The following ST6GALNAC5 variants were observed in gnomAD, a reference collection of about 807,000 sequenced individuals.
The protein encoded by ST6GALNAC5 is alpha-N-acetylgalactosaminide alpha-2,6-sialyltransferase 5.
Under a neutral mutation model 33.6 loss-of-function variants are expected in ST6GALNAC5, and 27 were observed. The ratio of observed to expected loss-of-function variants is 0.80; its 90% CI spans 0.59 to 1.11. The LOEUF (loss-of-function observed/expected upper bound fraction) is 1.11, where lower values mean the gene tolerates loss of function less well. ST6GALNAC5 is among the 50% of genes least tolerant of loss of function. The probability of loss-of-function intolerance (pLI) is 0.00; values close to 1 mark genes in which losing one functional copy is unlikely to be tolerated. For synonymous variants in ST6GALNAC5, 194 were observed against 171.2 expected, an observed-to-expected ratio of 1.13 and a Z score of -1.04; for missense variants, 428 against 454.0, an observed-to-expected ratio of 0.94 and a Z score of 0.52.
intron 2 of ST6GALNAC5, among the ~76,000 whole-genome samples, chr1:76,890,545 G>GTT (rs34481431): frequency 0.023 from 3,372 of 145,482 alleles, 56 homozygotes; most frequent in African/African-American, 0.046. Context: ...TTTTACTTCA[G>GTT]TTTTTTTTTT....
intron 2 of ST6GALNAC5, among the ~76,000 whole-genome samples, chr1:77,008,604 A>G (rs554178175): frequency 1.3e-5 from 2 of 152,110 alleles, no homozygotes; most frequent in African/African-American, 4.8e-5. Context: ...ATCTCGGCTC[A>G]CTGCAGCCTC....
Position 77,065,805 on chromosome 1 carries a change from T to TC in ST6GALNAC5, c.*2601dup, listed in dbSNP as rs1236657396. On this transcript the variant is annotated 3_prime_UTR_variant, in exon 5 of 5. Coordinates refer to ENST00000477717, the MANE Select transcript of ST6GALNAC5 (RefSeq NM_030965.3). ...ATACTCGTTATGTTACATGCCTTTTTCCTCTCTCCCAGCTGTGTCATCAGC... is the reference window on the plus strand; with the variant it reads ...ATACTCGTTATGTTACATGCCTTTTTCCCTCTCTCCCAGCTGTGTCATCAGC... 1 of 152,226 alleles carries TC rather than the reference T, an allele frequency of 6.6e-6. No homozygotes were observed. The highest frequency in any genetic ancestry group is 1.5e-5 in the Non-Finnish European group (1 of 68,044). The allele number at this position is 152,226 out of a possible 1,614,324, so 9.4% of individuals were successfully genotyped here.
chr1:76,919,953 C>G (rs76014547), intron 2 of ST6GALNAC5, among the ~76,000 whole-genome samples: 2,854 of 152,040 alleles, frequency 0.019, 81 homozygotes, highest in African/African-American at 0.066. Flanking sequence ...AATCAGAAAA[C>G]ACTATAAATA....
At chr1:77,046,364 G>C (rs1652009320) in intron 3 of ST6GALNAC5, among the ~76,000 whole-genome samples, 1 of 152,242 alleles carries the variant, frequency 6.6e-6, no homozygotes, top group Non-Finnish European at 1.5e-5. Context: ...AAAGACTTAA[G>C]TACAGTGCCC....
chr1:77,008,959 C>T (rs1267295860), intron 2 of ST6GALNAC5, among the ~76,000 whole-genome samples: 1 of 152,234 alleles, frequency 6.6e-6, no homozygotes, highest in Non-Finnish European at 1.5e-5. Flanking sequence ...ACCCTAGCAC[C>T]AATCCTAGCT....
intron 3 of ST6GALNAC5, among the ~76,000 whole-genome samples, chr1:77,049,975 C>T (rs939360388): frequency 6.6e-6 from 1 of 152,188 alleles, no homozygotes; most frequent in Admixed American, 6.5e-5. Flanking sequence ...TACACTTAAA[C>T]ATTTAAACAC....
At chr1:77,053,941 A>G (rs750792009) in intron 4 of ST6GALNAC5, among the ~76,000 whole-genome samples, 2 of 152,164 alleles carry the variant, frequency 1.3e-5, no homozygotes, top group Non-Finnish European at 2.9e-5. Flanking sequence ...AGAGCTAGCC[A>G]CGTGGAGCCA....
intron 2 of ST6GALNAC5, among the ~76,000 whole-genome samples, chr1:76,936,500 G>T (rs573276167): frequency 6.6e-6 from 1 of 152,008 alleles, no homozygotes; most frequent in Non-Finnish European, 1.5e-5. Flanking sequence ...AAGAATAATG[G>T]CCAGTGTGAA....
chr1:76,897,247 G>C (rs1654166365), intron 2 of ST6GALNAC5, among the ~76,000 whole-genome samples: 1 of 152,164 alleles, frequency 6.6e-6, no homozygotes, highest in Non-Finnish European at 1.5e-5. Context: ...AGTAAAGAAA[G>C]CAGGTTTGAG....
chr1:76,998,894 C>A (rs184814281), intron 2 of ST6GALNAC5, among the ~76,000 whole-genome samples: 1 of 152,076 alleles, frequency 6.6e-6, no homozygotes, highest in Non-Finnish European at 1.5e-5. Context: ...AACAGCCAGC[C>A]TGTTATAGAA....
intron 2 of ST6GALNAC5, among the ~76,000 whole-genome samples, chr1:76,922,318 A>C (rs1445142395): frequency 6.6e-6 from 1 of 152,142 alleles, no homozygotes; most frequent in African/African-American, 2.4e-5. Context: ...AATGTACAGA[A>C]TCTGTCTGTG....
chr1:76,928,093 T>G (rs1404762494), intron 2 of ST6GALNAC5, among the ~76,000 whole-genome samples: 6 of 152,108 alleles, frequency 3.9e-5, no homozygotes, highest in Non-Finnish European at 8.8e-5. Flanking sequence ...ATAGACTTCA[T>G]GTTACTTTGC....
At position 76,875,823 on chromosome 1, in the gene ST6GALNAC5, G is replaced by T. The variant is rs11162232; in HGVS notation, c.261+7081G>T. Among the ~76,000 whole-genome samples, 451 of 151,668 alleles carry T rather than the reference G, an allele frequency of 3.0e-3. 13 individuals are homozygous for T. In the East Asian group the frequency reaches 0.07, roughly 24 times the overall value. On this transcript the variant is annotated intron_variant, in intron 2 of 4. Transcript: ENST00000477717. Reference sequence around the variant, plus strand: ...CCACCATGGCCTTCTGGAGAACTTTGCCCCAGCCCTGCAAAGTACTGTCAC... The same window carrying T: ...CCACCATGGCCTTCTGGAGAACTTTTCCCCAGCCCTGCAAAGTACTGTCAC...
chr1:77,049,624 A>G (rs1015642041), intron 3 of ST6GALNAC5, among the ~76,000 whole-genome samples: 2 of 152,318 alleles, frequency 1.3e-5, no homozygotes, highest in Admixed American at 1.3e-4. Flanking sequence ...ATTTTCTGAT[A>G]TGTAAAATGA....
chr1:76,977,278 C>T (rs899817360), intron 2 of ST6GALNAC5, among the ~76,000 whole-genome samples: 33 of 151,890 alleles, frequency 2.2e-4, no homozygotes, highest in African/African-American at 3.4e-4. Flanking sequence ...GGTTAATTAC[C>T]GTATTTGTTA....
At chr1:77,001,200 T>C (rs1320343763) in intron 2 of ST6GALNAC5, among the ~76,000 whole-genome samples, 16 of 129,774 alleles carry the variant, frequency 1.2e-4, no homozygotes, top group African/African-American at 4.2e-4. Flanking sequence ...CTTGAAGAGG[T>C]CCTTCACATC....
intron 2 of ST6GALNAC5, among the ~76,000 whole-genome samples, chr1:77,003,972 G>A (rs1650281169): frequency 9.7e-6 from 1 of 103,410 alleles, no homozygotes; most frequent in Non-Finnish European, 2.1e-5. Flanking sequence ...TATGTGTCTT[G>A]GAGTTGCTCT....
chr1:76,898,326 T>G (rs1416223801), intron 2 of ST6GALNAC5, among the ~76,000 whole-genome samples: 1 of 152,002 alleles, frequency 6.6e-6, no homozygotes, highest in South Asian at 2.1e-4. Context: ...GTGGCTGGGG[T>G]TTGTCTCACA....
intron 2 of ST6GALNAC5, among the ~76,000 whole-genome samples, chr1:76,911,467 T>C (rs1197491967): frequency 2.6e-5 from 4 of 152,194 alleles, no homozygotes; most frequent in African/African-American, 9.7e-5. Flanking sequence ...TAAAATGAGT[T>C]AGGAAGGATT....
Sources: allele counts gnomAD v4.1 joint callset (sites outside exome capture counted in the v4.1 genomes callset), GRCh38; gene constraint gnomAD v4.1.1; transcripts MANE v1.5; gene names NCBI Gene and HGNC (gene_info 2026-07-23, HGNC 2026-07-21).